The following ZNF407 variants were observed in gnomAD, a reference collection of about 807,000 sequenced individuals.
ZNF407 encodes zinc finger protein 407.
A neutral mutation model predicts 131.2 loss-of-function variants in ZNF407; 17 were observed. That is an observed-to-expected ratio of 0.13 (90% CI 0.09 to 0.19). The LOEUF is 0.19. Among genes scored for constraint, ZNF407 ranks in the 10% least tolerant of loss-of-function variants. The pLI, the probability that ZNF407 is intolerant of heterozygous loss-of-function variation, is 1.00. For synonymous variants in ZNF407, 1,156 were observed against 1,062.0 expected (o/e 1.09, Z -1.72); for missense variants, 2,681 against 2,830.6 (o/e 0.95, Z 1.20).
chr18:74,799,903 C>T (rs1309222904), intron 4 of ZNF407, among the ~76,000 whole-genome samples: 5 of 131,406 alleles, frequency 3.8e-5, no homozygotes, highest in South Asian at 2.5e-4. Context: ...AAAAAAAATC[C>T]TTTTTTTTTT....
intron 4 of ZNF407, among the ~76,000 whole-genome samples, chr18:74,791,971 C>G (rs778428670): frequency 2.0e-5 from 3 of 152,272 alleles, no homozygotes; most frequent in South Asian, 2.1e-4. Context: ...TAGTATTGCA[C>G]GTCGCATAGT....
At chr18:74,777,353 A>G (rs1216325747) in intron 3 of ZNF407, among the ~76,000 whole-genome samples, 1 of 152,026 alleles carries the variant, frequency 6.6e-6, no homozygotes, top group Admixed American at 6.6e-5. Flanking sequence ...AAACAGTATT[A>G]TTTTTTATTT....
chr18:74,930,767 C>G (rs1971973886), intron 8 of ZNF407, among the ~76,000 whole-genome samples: 1 of 152,156 alleles, frequency 6.6e-6, no homozygotes, highest in South Asian at 2.1e-4. Context: ...GTGTGCACCC[C>G]CATCCTTTTA....
intron 7 of ZNF407, 143 bp downstream of exon 7, chr18:74,890,181 A>G: frequency 9.9e-7 from 1 of 1,012,448 alleles, no homozygotes; most frequent in Non-Finnish European, 1.3e-6. Flanking sequence ...AATTTTAGTG[A>G]CTTTTAAAAA....
intron 8 of ZNF407, among the ~76,000 whole-genome samples, chr18:74,951,480 A>T (rs1215196978): frequency 6.6e-6 from 1 of 152,200 alleles, no homozygotes; most frequent in South Asian, 2.1e-4. Flanking sequence ...CAGTACGTTC[A>T]TGTTGACCCT....
intron 4 of ZNF407, among the ~76,000 whole-genome samples, chr18:74,870,398 G>T (rs1971070264): frequency 6.6e-6 from 1 of 152,252 alleles, no homozygotes; most frequent in East Asian, 1.9e-4. Context: ...AGGCTCCCTG[G>T]TGAACTGTTT....
intron 8 of ZNF407, among the ~76,000 whole-genome samples, chr18:74,989,907 T>A (rs1423086276): frequency 1.3e-5 from 2 of 152,160 alleles, no homozygotes; most frequent in South Asian, 2.1e-4. Context: ...TTTTCTGTGA[T>A]AATTATTTAT....
intron 4 of ZNF407, chr18:74,804,151 CCTTTT>C: frequency 1.4e-6 from 2 of 1,456,586 alleles, no homozygotes; most frequent in Non-Finnish European, 1.8e-6. Flanking sequence ...TTTTTTTTTT[CCTTTT>C]ATCTGTGTAC....
chr18:74,879,145 T>G (rs1298642755), intron 5 of ZNF407, among the ~76,000 whole-genome samples: 1 of 152,216 alleles, frequency 6.6e-6, no homozygotes, highest in Non-Finnish European at 1.5e-5. Flanking sequence ...ATGCAGCATC[T>G]ATGCATGTAG....
rs369616010 is a variant in ZNF407 at position 74,755,238 on chromosome 18, T to G, written c.4803-26190T>G. ...CCTCCATCCCTTTTTTTGAGCCTAT[T>G]TGTGTCTCTGCACATGAGATGGGTC... On this transcript the variant is annotated intron_variant, in intron 3 of 8. Coordinates refer to ENST00000299687, the MANE Select transcript of ZNF407 (RefSeq NM_017757.3). Among the ~76,000 whole-genome samples the G allele has an allele frequency of 6.5e-4, 99 of 152,234 alleles. 1 individual carries two copies. In the East Asian group the frequency reaches 0.011, roughly 17 times the overall value.
intron 7 of ZNF407, among the ~76,000 whole-genome samples, chr18:74,904,772 A>G (rs1464206263): frequency 6.6e-6 from 1 of 152,228 alleles, no homozygotes; most frequent in East Asian, 1.9e-4. Flanking sequence ...GGAGTTATTC[A>G]CAGTCCTGAA....
At chr18:75,056,497 C>G (rs947385755) in intron 8 of ZNF407, among the ~76,000 whole-genome samples, 7 of 152,198 alleles carry the variant, frequency 4.6e-5, no homozygotes, top group Admixed American at 4.6e-4. Flanking sequence ...AGCGAAGTCC[C>G]TAAACCACTT....
At chr18:74,752,933 G>A (rs556483930) in intron 3 of ZNF407, among the ~76,000 whole-genome samples, 1 of 152,238 alleles carries the variant, frequency 6.6e-6, no homozygotes, top group South Asian at 2.1e-4. Context: ...TGGCTTGATG[G>A]GGATGGCATT....
chr18:74,639,842 T>C (rs901244669), intron 2 of ZNF407, among the ~76,000 whole-genome samples: 1 of 152,158 alleles, frequency 6.6e-6, no homozygotes, highest in East Asian at 1.9e-4. Context: ...AATTTTTTAC[T>C]GAGTGCTTCA....
intron 8 of ZNF407, among the ~76,000 whole-genome samples, chr18:75,021,849 A>G (rs1397835623): frequency 6.6e-6 from 1 of 152,036 alleles, no homozygotes; most frequent in Admixed American, 6.5e-5. Context: ...AATAGATATA[A>G]CTATATAAGC....
At chr18:74,887,032 G>C (rs547092390) in intron 6 of ZNF407, among the ~76,000 whole-genome samples, 1 of 152,158 alleles carries the variant, frequency 6.6e-6, no homozygotes, top group African/African-American at 2.4e-5. Context: ...CTTTGACATT[G>C]GTGTGCATTA....
At chr18:74,670,851 A>G (rs1986112586) in intron 3 of ZNF407, among the ~76,000 whole-genome samples, 1 of 152,116 alleles carries the variant, frequency 6.6e-6, no homozygotes, top group African/African-American at 2.4e-5. Context: ...TTTTTCATAG[A>G]GATAGGGTTT....
chr18:75,013,792 A>C (rs1231665151), intron 8 of ZNF407, among the ~76,000 whole-genome samples: 1 of 152,146 alleles, frequency 6.6e-6, no homozygotes, highest in Non-Finnish European at 1.5e-5. Flanking sequence ...AAATAAATTA[A>C]GCAAGTGTAC....
At chr18:74,672,145 A>G (rs1986164466) in intron 3 of ZNF407, among the ~76,000 whole-genome samples, 1 of 152,146 alleles carries the variant, frequency 6.6e-6, no homozygotes, top group Non-Finnish European at 1.5e-5. Flanking sequence ...GCTTTCCACA[A>G]TGGTTGAACT....
Sources: allele counts gnomAD v4.1 joint callset (sites outside exome capture counted in the v4.1 genomes callset), GRCh38; gene constraint gnomAD v4.1.1; transcripts MANE v1.5; gene names NCBI Gene and HGNC (gene_info 2026-07-23, HGNC 2026-07-21).